Variants in ELK3 observed in about 807,000 individuals in gnomAD.
ELK3 encodes the protein ETS domain-containing protein Elk-3.
ELK3 carries 10 observed loss-of-function variants against 28.9 expected under a neutral mutation model. The ratio of observed to expected loss-of-function variants is 0.35; its 90% CI spans 0.21 to 0.59. The LOEUF (loss-of-function observed/expected upper bound fraction) is 0.59. Ranked by LOEUF, ELK3 falls within the 20% of genes least tolerant of loss-of-function variation. The probability of loss-of-function intolerance (pLI) is 0.82; values close to 1 mark genes in which losing one functional copy is unlikely to be tolerated. For synonymous variants in ELK3, 272 were observed against 243.5 expected (o/e 1.12, Z -1.09); for missense variants, 463 against 517.3 (o/e 0.90, Z 1.02).
Position 96,260,346 on chromosome 12 carries a change from T to A in ELK3, c.1125+493T>A, listed in dbSNP as rs139125784. Among the ~76,000 whole-genome samples, 6 of 152,188 alleles carry A rather than the reference T, an allele frequency of 3.9e-5. No homozygotes were observed. In the East Asian group the frequency reaches 1.2e-3, roughly 29 times the overall value. ...TCCACAAAAGACTTTAAAATATTAA[T>A]CCTCCTAGTTAATGTAGCAACTTGT... On this transcript the variant is annotated intron_variant, in intron 4 of 4. Coordinates refer to ENST00000228741, the MANE Select transcript of ELK3 (RefSeq NM_005230.4).
At chr12:96,226,194 G>A (rs537076665) in intron 2 of ELK3, among the ~76,000 whole-genome samples, 3 of 152,288 alleles carry the variant, frequency 2.0e-5, no homozygotes, top group Admixed American at 2.0e-4. Flanking sequence ...CAAACGATGT[G>A]TATCAGGTAG....
chr12:96,196,481 C>A (rs953517432), intron 1 of ELK3, among the ~76,000 whole-genome samples: 2 of 152,080 alleles, frequency 1.3e-5, no homozygotes, highest in Non-Finnish European at 2.9e-5. Context: ...ATTTGTGAGC[C>A]TTACAAAATA....
intron 2 of ELK3, among the ~76,000 whole-genome samples, chr12:96,229,119 G>A (rs79890449): frequency 1.3e-3 from 201 of 152,320 alleles, no homozygotes; most frequent in African/African-American, 4.4e-3. Flanking sequence ...AATGCTAGAC[G>A]AGTGAACAAA....
chr12:96,210,829 G>T (rs1056109408), intron 1 of ELK3, among the ~76,000 whole-genome samples: 2 of 152,190 alleles, frequency 1.3e-5, no homozygotes, highest in Non-Finnish European at 2.9e-5. Context: ...CACAGATGAG[G>T]CAACACCAGA....
At chr12:96,266,955 C>A in intron 4 of ELK3, 127 bp from the exon 5 acceptor site, 1 of 615,380 alleles carries the variant, frequency 1.6e-6, no homozygotes, top group East Asian at 3.1e-5. Flanking sequence ...AATACATTGG[C>A]AACTAATCTC....
At chr12:96,225,670 C>T (rs1177127239) in intron 2 of ELK3, among the ~76,000 whole-genome samples, 1 of 152,222 alleles carries the variant, frequency 6.6e-6, no homozygotes, top group African/African-American at 2.4e-5. Flanking sequence ...AGCCAGTGAG[C>T]AGCAGAGCCC....
intron 4 of ELK3, among the ~76,000 whole-genome samples, chr12:96,263,874 G>A (rs1157528344): frequency 6.6e-6 from 1 of 152,226 alleles, no homozygotes; most frequent in African/African-American, 2.4e-5. Context: ...CGCTTTTTAA[G>A]CTGGAGGTAG....
At chr12:96,246,905 A>G in intron 2 of ELK3, 35 bp from the exon 3 acceptor site, 1 of 1,551,218 alleles carries the variant, frequency 6.4e-7, no homozygotes, top group South Asian at 1.2e-5. Flanking sequence ...TCTCGGGTGC[A>G]CTCAGATTTT....
At chr12:96,239,029 G>A (rs1951802099) in intron 2 of ELK3, among the ~76,000 whole-genome samples, 1 of 152,074 alleles carries the variant, frequency 6.6e-6, no homozygotes, top group Non-Finnish European at 1.5e-5. Context: ...GGCTCCACCA[G>A]TTACAAGCTG....
chr12:96,254,655 T>TA (rs1479767107), intron 3 of ELK3, among the ~76,000 whole-genome samples: 2 of 151,888 alleles, frequency 1.3e-5, no homozygotes, highest in East Asian at 3.9e-4. Context: ...CAAACGTGGA[T>TA]AAAATAGTCT....
At chr12:96,220,745 C>T (rs986834563) in intron 1 of ELK3, among the ~76,000 whole-genome samples, 1 of 152,118 alleles carries the variant, frequency 6.6e-6, no homozygotes, top group Admixed American at 6.5e-5. Context: ...AGCACCCCAG[C>T]AAAGGGAGAA....
intron 1 of ELK3, among the ~76,000 whole-genome samples, chr12:96,198,526 A>C (rs147585709): frequency 4.9e-4 from 75 of 152,300 alleles, no homozygotes; most frequent in African/African-American, 1.8e-3. Flanking sequence ...TGTATGTTTC[A>C]GGCAAAAGTT....
chr12:96,214,624 C>T (rs1395820638), intron 1 of ELK3, among the ~76,000 whole-genome samples: 4 of 152,188 alleles, frequency 2.6e-5, no homozygotes, highest in African/African-American at 9.6e-5. Flanking sequence ...GGCCTCATGC[C>T]TTTTTTATAC....
chr12:96,264,998 T>C (rs1202263464), intron 4 of ELK3, among the ~76,000 whole-genome samples: 4 of 152,136 alleles, frequency 2.6e-5, no homozygotes, highest in African/African-American at 4.8e-5. Context: ...AGTTTTAAGT[T>C]TGTGGTCCCA....
At chr12:96,224,162 G>A (rs937572116) in intron 2 of ELK3, among the ~76,000 whole-genome samples, 18 of 152,324 alleles carry the variant, frequency 1.2e-4, no homozygotes, top group Non-Finnish European at 2.4e-4. Context: ...ACCTTTCCTG[G>A]AAGGTGGTAG....
Position 96,247,781 on chromosome 12 carries a change from T to C in ELK3, c.1002+47T>C, listed in dbSNP as rs1338622164. On this transcript the variant is annotated intron_variant, in intron 3 of 4. Transcript: ENST00000228741. This position sits in a 1 kb window ranked among gnomAD's most constrained non-coding sequence, Gnocchi z 5.5. ...TAAGCCACAGCCAGCTTCAGTGGCT[T>C]AGCAAAAAAGGAAGAGCAACTAAAG... 1 of 1,463,952 alleles carries C rather than the reference T, an allele frequency of 6.8e-7. No individual in the cohort carries two copies. The highest frequency in any genetic ancestry group is 1.4e-5 in the African/African-American group (1 of 69,860). 90.7% of individuals were successfully genotyped at this position (1,463,952 alleles called of 1,614,324 possible). A position where few individuals can be genotyped will look rare whatever the true frequency, so the allele number is the denominator to read the frequency against.
intron 3 of ELK3, among the ~76,000 whole-genome samples, chr12:96,249,488 G>A (rs1379329141): frequency 6.6e-6 from 1 of 152,116 alleles, no homozygotes; most frequent in Non-Finnish European, 1.5e-5. Flanking sequence ...AGTGACCAAG[G>A]GCTGCTGAGC....
intron 4 of ELK3, among the ~76,000 whole-genome samples, chr12:96,264,415 G>C (rs902296432): frequency 5.3e-5 from 8 of 152,138 alleles, no homozygotes; most frequent in Non-Finnish European, 1.0e-4. Context: ...GGGTCTGAGG[G>C]GTAAAGTAGG....
rs370342045 is a variant in ELK3 at position 96,200,794 on chromosome 12, C to A, written c.-3+6089C>A. 4.6e-5 allele frequency among the ~76,000 whole-genome samples: 7 copies of A among 152,220 alleles called. No individual in the cohort carries two copies. In the East Asian group the frequency reaches 5.8e-4, roughly 13 times the overall value. On this transcript the variant is annotated intron_variant, in intron 1 of 4. Coordinates refer to ENST00000228741, the MANE Select transcript of ELK3 (RefSeq NM_005230.4). ...TCTCATGCCTCAGCCTCCCAAGTAG[C>A]TGGTATCATAGGCATATGCCACCAT...
Sources: gnomAD v4.1 joint callset for allele counts (sites outside exome capture counted in the v4.1 genomes callset) on GRCh38, gnomAD v4.1.1 for gene constraint, Gnocchi (gnomAD v3.1) non-coding constraint, MANE v1.5 for transcripts, NCBI Gene and HGNC (gene_info 2026-07-23, HGNC 2026-07-21) for gene names.